TSNAX: variants seen among roughly 807,000 people sequenced by gnomAD.
TSNAX encodes the protein translin associated factor X, also known as translin-associated protein X.
In TSNAX, 12 loss-of-function variants were observed where a neutral mutation model predicts 33.0. That is an observed-to-expected ratio of 0.36 (90% CI 0.23 to 0.59). The LOEUF is 0.59. Among genes scored for constraint, TSNAX ranks in the 20% least tolerant of loss-of-function variants. The probability of loss-of-function intolerance (pLI) is 0.74; values close to 1 mark genes in which losing one functional copy is unlikely to be tolerated. For synonymous variants in TSNAX, 110 were observed against 117.2 expected, an observed-to-expected ratio of 0.94 and a Z score of 0.40; for missense variants, 267 against 341.3, an observed-to-expected ratio of 0.78 and a Z score of 1.72.
At chr1:231,539,274 A>G (rs1659398940) in intron 3 of TSNAX, among the ~76,000 whole-genome samples, 1 of 152,220 alleles carries the variant, frequency 6.6e-6, no homozygotes, top group African/African-American at 2.4e-5. Context: ...AAATAACAAA[A>G]GCAATAATAT....
At position 231,542,640 on chromosome 1, in the gene TSNAX, T is replaced by C. The variant is rs369518967; in HGVS notation, c.367+29T>C. 5.6e-6 allele frequency: 9 copies of C among 1,600,766 alleles called. No homozygotes were observed. In the African/African-American group the frequency reaches 8.1e-5, roughly 14 times the overall value. On this transcript the variant is annotated intron_variant, in intron 4 of 5. Transcript: ENST00000366639. ...AGTCTAGGTTTGTTTCAGGGTAATATATATTTTAAATGGTGTGCTACATGA... is the reference window on the plus strand; with the variant it reads ...AGTCTAGGTTTGTTTCAGGGTAATACATATTTTAAATGGTGTGCTACATGA...
Position 231,528,772 on chromosome 1 carries a change from C to T in TSNAX, c.-39C>T. 6 of 1,613,988 alleles carry T rather than the reference C, an allele frequency of 3.7e-6. No individual in the cohort carries two copies. The highest frequency in any genetic ancestry group is 2.2e-5 in the East Asian group (1 of 44,872). On this transcript the variant is annotated 5_prime_UTR_variant, in exon 1 of 6. Transcript: ENST00000366639. ...CTCGCGCACTCCTCTTGCTCCAGGT[C>T]CTTCAGTCTCCGCTCGTCTCACCGT...
Position 231,541,440 on chromosome 1 carries a change from G to A in TSNAX, c.237-1041G>A, listed in dbSNP as rs559709865. ...CAAAGTAAGGACTACTTATCATTTC[G>A]CGTATGGTATAAAAATCTTATACTT... is the stretch of plus-strand genomic sequence containing the variant. On this transcript the variant is annotated intron_variant, in intron 3 of 5. Transcript: ENST00000366639. 3.9e-5 allele frequency among the ~76,000 whole-genome samples: 6 copies of A among 152,166 alleles called. No individual in the cohort carries two copies. The East Asian group carries it at 5.8e-4, about 15-fold the overall frequency.
intron 4 of TSNAX, among the ~76,000 whole-genome samples, chr1:231,544,783 G>T (rs1659798912): frequency 6.6e-6 from 1 of 152,354 alleles, no homozygotes. Context: ...AGAGAAAAAG[G>T]TGAAAGGGAA....
chr1:231,528,860 C>G, intron 1 of TSNAX, 34 bp downstream of exon 1: 3 of 1,613,918 alleles, frequency 1.9e-6, no homozygotes, highest in Non-Finnish European at 2.5e-6. Context: ...CGTTATTTAT[C>G]CGGAGGGGGA....
intron 4 of TSNAX, among the ~76,000 whole-genome samples, chr1:231,546,880 A>G (rs1659951573): frequency 6.6e-6 from 1 of 152,092 alleles, no homozygotes; most frequent in Admixed American, 6.6e-5. Context: ...AAAAGGGAGG[A>G]GTGGGGGATG....
chr1:231,539,974 C>G (rs751515977), intron 3 of TSNAX, among the ~76,000 whole-genome samples: 1 of 152,116 alleles, frequency 6.6e-6, no homozygotes, highest in Admixed American at 6.5e-5. Context: ...CACTTGAGGT[C>G]AGGAGTTTGA....
chr1:231,555,047 G>C (rs1442093474), intron 4 of TSNAX, among the ~76,000 whole-genome samples: 1 of 152,138 alleles, frequency 6.6e-6, no homozygotes, highest in Non-Finnish European at 1.5e-5. Context: ...AAAGTTTGTT[G>C]AGGGCTTCTG....
At chr1:231,548,730 G>A (rs1660106620) in intron 4 of TSNAX, among the ~76,000 whole-genome samples, 2 of 152,228 alleles carry the variant, frequency 1.3e-5, no homozygotes. Flanking sequence ...GGACGTACAG[G>A]TTGCTGCCTA....
chr1:231,564,706 A>G lies in TSNAX; in HGVS notation c.674A>G (p.Tyr225Cys). The G allele has an allele frequency of 2.5e-6, 4 of 1,614,154 alleles. No individual in the cohort carries two copies. Among genetic ancestry groups the G allele is most frequent in the Non-Finnish European group, 3.4e-6 (4 of 1,180,038 alleles). ...FEVSQFLRQV[Y>C]DGFSFIGNTG... is the part of the protein sequence containing the mutation. ...GTGAGCCAGTTTTTACGTCAGGTTT[A>G]TGATGGGTTTTCATTCATTGGCAAC... Residue 225 changes from tyrosine to cysteine, a missense_variant, in exon 6 of 6, where the codon TAT (tyrosine) becomes TGT (cysteine). Around this residue, in one of 2 missense-constraint regions of TSNAX, gnomAD observed 67 missense variants for 127.2 expected, o/e 0.53. Coordinates refer to ENST00000366639, the MANE Select transcript of TSNAX (RefSeq NM_005999.3).
intron 4 of TSNAX, among the ~76,000 whole-genome samples, chr1:231,543,182 A>G (rs957743800): frequency 3.3e-5 from 5 of 151,990 alleles, no homozygotes; most frequent in Non-Finnish European, 7.4e-5. Flanking sequence ...CGTCTCAAAA[A>G]AAAAAAATTT....
intron 4 of TSNAX, among the ~76,000 whole-genome samples, chr1:231,560,592 AT>A (rs1661042013): frequency 6.7e-6 from 1 of 150,318 alleles, no homozygotes; most frequent in Admixed American, 6.6e-5. Flanking sequence ...TATTTTTTGT[AT>A]TTTTAGTAGA....
chr1:231,564,116 A>G (rs1661283523), intron 5 of TSNAX, among the ~76,000 whole-genome samples: 1 of 152,194 alleles, frequency 6.6e-6, no homozygotes, highest in Non-Finnish European at 1.5e-5. Flanking sequence ...CCAGAAAAAG[A>G]CTGAGCTTCT....
intron 3 of TSNAX, among the ~76,000 whole-genome samples, chr1:231,537,922 C>T (rs894826543): frequency 2.0e-5 from 3 of 151,978 alleles, no homozygotes; most frequent in Admixed American, 6.6e-5. Context: ...GGATGATATG[C>T]GTGAAAATTT....
chr1:231,538,202 A>G (rs576941585), intron 3 of TSNAX, among the ~76,000 whole-genome samples: 22 of 152,236 alleles, frequency 1.4e-4, no homozygotes, highest in African/African-American at 5.1e-4. Flanking sequence ...CAGGCTTTGT[A>G]TATTTGATAG....
At chr1:231,546,297 C>T (rs191879498) in intron 4 of TSNAX, among the ~76,000 whole-genome samples, 103 of 152,294 alleles carry the variant, frequency 6.8e-4, no homozygotes, top group Middle Eastern at 3.4e-3. Context: ...TATGCTTTAT[C>T]TGATGATTTG....
At chr1:231,529,127 G>T in intron 1 of TSNAX, 128 bp from the exon 2 acceptor site, 1 of 914,502 alleles carries the variant, frequency 1.1e-6, no homozygotes, top group Non-Finnish European at 1.6e-6. Flanking sequence ...GTCAGTCTGC[G>T]GAGAAAGCCT....
At chr1:231,557,423 C>T (rs1377827515) in intron 4 of TSNAX, among the ~76,000 whole-genome samples, 1 of 152,084 alleles carries the variant, frequency 6.6e-6, no homozygotes, top group Non-Finnish European at 1.5e-5. Flanking sequence ...GAAAGAATGT[C>T]CATTAGTCTT....
intron 4 of TSNAX, 170 bp downstream of exon 4, chr1:231,542,781 T>C (rs1347938841): frequency 1.4e-6 from 1 of 715,560 alleles, no homozygotes; most frequent in East Asian, 2.8e-5. Flanking sequence ...GTTGGCTTTA[T>C]GTTTTTTTTA....
Sources: gnomAD v4.1 joint callset for allele counts (sites outside exome capture counted in the v4.1 genomes callset) on GRCh38, gnomAD v4.1.1 for gene constraint, gnomAD v4.1.1 regional missense constraint, MANE v1.5 for transcripts, NCBI Gene and HGNC (gene_info 2026-07-23, HGNC 2026-07-21) for gene names.